The following IL19 variants were observed in gnomAD, a reference collection of about 807,000 sequenced individuals.
The protein encoded by IL19 is interleukin 19, also known as interleukin-19.
Under a neutral mutation model 19.5 loss-of-function variants are expected in IL19, and 15 were observed. That is an observed-to-expected ratio of 0.77 (90% CI 0.52 to 1.19). The LOEUF is 1.19. Ranked by LOEUF, IL19 falls within the 50% of genes most tolerant of loss-of-function variation. The pLI, the probability that IL19 is intolerant of heterozygous loss-of-function variation, is 0.00. For synonymous variants in IL19, 78 were observed against 78.3 expected (o/e 1.00, Z 0.02); for missense variants, 199 against 213.1 (o/e 0.93, Z 0.41).
chr1:206,799,075 T>C (rs946665453), intron 2 of IL19, 69 bp downstream of exon 2: 2 of 1,063,206 alleles, frequency 1.9e-6, no homozygotes, highest in Non-Finnish European at 2.9e-6. Context: ...ATCCAGTTTA[T>C]TTCAAGACTC....
rs141651248 is a variant in IL19, at chr1:206,842,755, G to C, written c.*133G>C. On this transcript the variant is annotated 3_prime_UTR_variant, in exon 7 of 7. Transcript: ENST00000659997. ...TGAAAGTCCCACTGGCTGGCCTCAG[G>C]CTGTCTTATTCCGCTTGAAAATAGC... 412 of 605,296 alleles carry C rather than the reference G, an allele frequency of 6.8e-4. 1 individual carries two copies. The African/African-American group carries it at 6.9e-3, about 10-fold the overall frequency. 37.5% of individuals were successfully genotyped at this position (605,296 alleles called of 1,614,324 possible).
intron 1 of IL19, among the ~76,000 whole-genome samples, chr1:206,796,588 T>C (rs1675528241): frequency 6.6e-6 from 1 of 152,224 alleles, no homozygotes; most frequent in Admixed American, 6.5e-5. Flanking sequence ...CTATACCTTT[T>C]CTATGTTTAG....
intron 1 of IL19, among the ~76,000 whole-genome samples, chr1:206,791,308 T>G (rs1165998471): frequency 6.6e-6 from 1 of 151,562 alleles, no homozygotes; most frequent in South Asian, 2.1e-4. Context: ...TAGGTTTTTT[T>G]TTTTTTTTTT....
intron 2 of IL19, among the ~76,000 whole-genome samples, chr1:206,821,041 C>A (rs74151407): frequency 0.018 from 2,774 of 152,314 alleles, 39 homozygotes; most frequent in Middle Eastern, 0.058. Context: ...TGCTTTATTT[C>A]CCCTTTTCAA....
rs184919638 is a variant in IL19, at chr1:206,792,052, A to G, written c.-148-6809A>G. Reference sequence around the variant, plus strand: ...GATGGGCAGTGCCACTCACGGGCAGATGCCCACTTCTCTGGAATTGCCCCA... The same window carrying G: ...GATGGGCAGTGCCACTCACGGGCAGGTGCCCACTTCTCTGGAATTGCCCCA... On this transcript the variant is annotated intron_variant, in intron 1 of 6. Transcript: ENST00000659997. Among the ~76,000 whole-genome samples, 11 of 152,312 alleles carry G rather than the reference A, an allele frequency of 7.2e-5. No homozygotes were observed. In the East Asian group the frequency reaches 2.1e-3, roughly 29 times the overall value.
intron 1 of IL19, among the ~76,000 whole-genome samples, chr1:206,782,191 G>T (rs1268278526): frequency 6.6e-6 from 1 of 151,894 alleles, no homozygotes; most frequent in Non-Finnish European, 1.5e-5. Context: ...TAAATGAGAT[G>T]TAACTATTTT....
chr1:206,808,973 G>C (rs571956178), intron 2 of IL19, among the ~76,000 whole-genome samples: 1 of 152,168 alleles, frequency 6.6e-6, no homozygotes, highest in African/African-American at 2.4e-5. Flanking sequence ...GAAGGCAGAA[G>C]GTTCTGGAAA....
At chr1:206,771,168 C>G in intron 1 of IL19, 90 bp downstream of exon 1, 1 of 1,322,732 alleles carries the variant, frequency 7.6e-7, no homozygotes, top group Non-Finnish European at 1.1e-6. Flanking sequence ...CCTCCTTCAC[C>G]AGAAGCCTCC....
chr1:206,780,848 G>A (rs763061684), intron 1 of IL19, among the ~76,000 whole-genome samples: 3 of 152,142 alleles, frequency 2.0e-5, no homozygotes, highest in Admixed American at 6.5e-5. Context: ...AGATGTGTTC[G>A]GTGTGTGAGG....
At chr1:206,841,230 G>A in intron 6 of IL19, 152 bp downstream of exon 6, 1 of 656,276 alleles carries the variant, frequency 1.5e-6, no homozygotes, top group South Asian at 1.8e-5. Context: ...TGTAAAGAGA[G>A]TTTTGATTTT....
At chr1:206,828,310 C>T (rs2102479705) in intron 2 of IL19, among the ~76,000 whole-genome samples, 1 of 152,330 alleles carries the variant, frequency 6.6e-6, no homozygotes, top group South Asian at 2.1e-4. Flanking sequence ...CCAACAGCCC[C>T]TACCTTTAGT....
At chr1:206,828,398 G>A (rs1452101680) in intron 2 of IL19, among the ~76,000 whole-genome samples, 1 of 152,146 alleles carries the variant, frequency 6.6e-6, no homozygotes, top group Non-Finnish European at 1.5e-5. Flanking sequence ...AAAGGACAGG[G>A]GTTCCTCCTC....
At chr1:206,840,708 G>C (rs1172022600) in intron 5 of IL19, 2 of 364,852 alleles carry the variant, frequency 5.5e-6, no homozygotes, top group Non-Finnish European at 1.0e-5. Flanking sequence ...TGTTTGTTGA[G>C]TGCCTACCCT....
chr1:206,782,288 G>GGATC, intron 1 of IL19, among the ~76,000 whole-genome samples: 1 of 152,152 alleles, frequency 6.6e-6, no homozygotes, highest in African/African-American at 2.4e-5. Context: ...GATAGAAGCA[G>GGATC]GATCCTCACA....
chr1:206,832,853 C>T (rs1179148569), intron 2 of IL19, among the ~76,000 whole-genome samples: 1 of 152,196 alleles, frequency 6.6e-6, no homozygotes, highest in Non-Finnish European at 1.5e-5. Context: ...AGATGCTGGA[C>T]CACAAGACAT....
chr1:206,823,004 A>G (rs534175532), intron 2 of IL19, among the ~76,000 whole-genome samples: 40 of 149,558 alleles, frequency 2.7e-4, no homozygotes, highest in African/African-American at 9.1e-4. Context: ...ATCTCGGCTC[A>G]CTGCAGCCTC....
At chr1:206,803,631 G>T (rs1174287445) in intron 2 of IL19, among the ~76,000 whole-genome samples, 1 of 152,128 alleles carries the variant, frequency 6.6e-6, no homozygotes, top group African/African-American at 2.4e-5. Flanking sequence ...TTATTCCCCT[G>T]GGGGCTGATG....
chr1:206,801,812 G>A (rs138926596), intron 2 of IL19, among the ~76,000 whole-genome samples: 160 of 152,338 alleles, frequency 1.1e-3, no homozygotes, highest in Non-Finnish European at 1.8e-3. Flanking sequence ...CTGGTCATGA[G>A]CAACAGTGCC....
chr1:206,795,494 C>A (rs1675500095), intron 1 of IL19, among the ~76,000 whole-genome samples: 1 of 152,188 alleles, frequency 6.6e-6, no homozygotes, highest in Admixed American at 6.5e-5. Flanking sequence ...CTCCTACTGA[C>A]CATCTGTTTT....
Sources: allele counts gnomAD v4.1 joint callset (sites outside exome capture counted in the v4.1 genomes callset), GRCh38; gene constraint gnomAD v4.1.1; transcripts MANE v1.5; gene names NCBI Gene and HGNC (gene_info 2026-07-23, HGNC 2026-07-21).